MAP4K4: variants seen among roughly 807,000 people sequenced by gnomAD.
The protein encoded by MAP4K4 is mitogen-activated protein kinase kinase kinase kinase 4, also known as HPK/GCK-like kinase HGK.
MAP4K4 carries 38 observed loss-of-function variants against 189.6 expected under a neutral mutation model. The ratio of observed to expected loss-of-function variants is 0.20; its 90% CI spans 0.15 to 0.26. MAP4K4 has a LOEUF of 0.26. Among genes scored for constraint, MAP4K4 ranks in the 10% least tolerant of loss-of-function variants. The probability of loss-of-function intolerance (pLI) is 1.00; values close to 1 mark genes in which losing one functional copy is unlikely to be tolerated. For synonymous variants in MAP4K4, 610 were observed against 624.3 expected (o/e 0.98, Z 0.34); for missense variants, 1,054 against 1,726.9 (o/e 0.61, Z 6.91).
intron 2 of MAP4K4, among the ~76,000 whole-genome samples, chr2:101,778,495 AG>A (rs749398408): frequency 2.7e-5 from 4 of 147,416 alleles, no homozygotes; most frequent in Non-Finnish European, 6.0e-5. Flanking sequence ...CTTGTGGGGG[AG>A]GGGGTGGCGC....
intron 17 of MAP4K4, among the ~76,000 whole-genome samples, chr2:101,864,253 T>A (rs1235686091): frequency 6.6e-6 from 1 of 152,232 alleles, no homozygotes; most frequent in Non-Finnish European, 1.5e-5. Context: ...GTTTTATTTT[T>A]GTTAACCCTA....
At chr2:101,824,619 A>T (rs991865967) in intron 4 of MAP4K4, among the ~76,000 whole-genome samples, 1 of 152,244 alleles carries the variant, frequency 6.6e-6, no homozygotes, top group African/African-American at 2.4e-5. Context: ...ATTTAAACTT[A>T]TAAAGCAGGA....
chr2:101,865,679 C>T (rs1008323290), intron 18 of MAP4K4, among the ~76,000 whole-genome samples: 3 of 152,104 alleles, frequency 2.0e-5, no homozygotes, highest in African/African-American at 4.8e-5. Flanking sequence ...CATAACAGAA[C>T]GCTTCATTGA....
chr2:101,781,996 A>G (rs1379453944), intron 2 of MAP4K4, among the ~76,000 whole-genome samples: 1 of 152,212 alleles, frequency 6.6e-6, no homozygotes, highest in South Asian at 2.1e-4. Context: ...TGGAGTCAGA[A>G]TATTACTGCC....
intron 2 of MAP4K4, among the ~76,000 whole-genome samples, chr2:101,709,385 TAG>T (rs1468887717): frequency 1.3e-5 from 2 of 152,194 alleles, no homozygotes; most frequent in African/African-American, 4.8e-5. Flanking sequence ...GCATTTTTAG[TAG>T]AGATGGGGTT....
intron 2 of MAP4K4, among the ~76,000 whole-genome samples, chr2:101,740,645 T>C (rs2062319665): frequency 6.6e-6 from 1 of 152,210 alleles, no homozygotes; most frequent in Non-Finnish European, 1.5e-5. Flanking sequence ...TTTTCAAGCT[T>C]GCTGAGAAGA....
rs546111049 is a variant in MAP4K4, at chr2:101,781,373, A to G, written c.124-9347A>G. On this transcript the variant is annotated intron_variant, in intron 2 of 32. Transcript: ENST00000324219. ...CTTCCCTCCCCCTTTGTCTTAGTCC[A>G]TTTTGTGCTGCTGTAGTAGACCACC... Among the ~76,000 whole-genome samples, 146 of 152,102 alleles carry G rather than the reference A, an allele frequency of 9.6e-4. 1 individual carries two copies. Among genetic ancestry groups the G allele is most frequent in the Admixed American group, 2.4e-3 (36 of 15,268 alleles).
At chr2:101,870,005 A>C in intron 22 of MAP4K4, 2 of 670,394 alleles carry the variant, frequency 3.0e-6, no homozygotes, top group African/African-American at 1.8e-5. Flanking sequence ...CCCAGCGTGT[A>C]CTTTATTTTT....
chr2:101,724,169 A>G (rs2053894399), intron 2 of MAP4K4, among the ~76,000 whole-genome samples: 1 of 152,060 alleles, frequency 6.6e-6, no homozygotes, highest in Non-Finnish European at 1.5e-5. Context: ...GTGCTTGGGG[A>G]TGGACCCAGC....
intron 2 of MAP4K4, among the ~76,000 whole-genome samples, chr2:101,711,284 A>G (rs2149308477): frequency 6.6e-6 from 1 of 152,312 alleles, no homozygotes; most frequent in South Asian, 2.1e-4. Flanking sequence ...TATATAACAA[A>G]ATAATTAAAA....
chr2:101,718,261 A>AG (rs2049594706), intron 2 of MAP4K4, among the ~76,000 whole-genome samples: 1 of 151,922 alleles, frequency 6.6e-6, no homozygotes, highest in African/African-American at 2.4e-5. Context: ...CGTCTCAAAA[A>AG]AAAAAAAAAA....
chr2:101,769,423 TA>T (rs1225628270), intron 2 of MAP4K4, among the ~76,000 whole-genome samples: 10 of 151,940 alleles, frequency 6.6e-5, no homozygotes, highest in Non-Finnish European at 1.5e-4. Context: ...TGAGAAGAAA[TA>T]AGGTAAGGAT....
chr2:101,886,881 T>C (rs1352469522), intron 29 of MAP4K4, among the ~76,000 whole-genome samples: 3 of 151,950 alleles, frequency 2.0e-5, no homozygotes, highest in Non-Finnish European at 4.4e-5. Flanking sequence ...AAAAATTAGC[T>C]GAGTGTGGTG....
intron 16 of MAP4K4, among the ~76,000 whole-genome samples, chr2:101,862,482 T>C (rs1376407368): frequency 6.6e-6 from 1 of 152,144 alleles, no homozygotes; most frequent in African/African-American, 2.4e-5. Flanking sequence ...TCGTGTTCTT[T>C]AGCAACTTTG....
chr2:101,856,236 C>T lies in MAP4K4; in HGVS notation c.1395+98C>T, dbSNP rs371356623. 9.5e-4 allele frequency: 975 copies of T among 1,026,008 alleles called. 15 individuals are homozygous for T. In the South Asian group the frequency reaches 0.015, roughly 15 times the overall value. The allele number at this position is 1,026,008 out of a possible 1,614,324, so 63.6% of individuals were successfully genotyped here. ...AAAGTATACACACATGTGATGCATA[C>T]ACACATGTACACACATACACATATA... On this transcript the variant is annotated intron_variant, in intron 13 of 32. Transcript: ENST00000324219.
chr2:101,822,369 A>G (rs2096116497), intron 3 of MAP4K4, among the ~76,000 whole-genome samples: 1 of 152,114 alleles, frequency 6.6e-6, no homozygotes, highest in Admixed American at 6.5e-5. Flanking sequence ...GTTGACTAAA[A>G]CGTTATGTAG....
At chr2:101,894,506 A>C (rs1004129024) in exon 33 of MAP4K4, 2 of 152,800 alleles carry the variant, frequency 1.3e-5, no homozygotes, top group African/African-American at 4.8e-5. Flanking sequence ...GCCAATTATT[A>C]ATTTGCTAAA....
At chr2:101,885,389 T>A in intron 29 of MAP4K4, 102 bp downstream of exon 29, 1 of 668,348 alleles carries the variant, frequency 1.5e-6, no homozygotes. Context: ...ATTGCTAATA[T>A]AAAAGCTATG....
intron 2 of MAP4K4, among the ~76,000 whole-genome samples, chr2:101,708,635 T>G (rs892946922): frequency 1.3e-5 from 2 of 152,210 alleles, no homozygotes; most frequent in African/African-American, 4.8e-5. Flanking sequence ...TTTTCTGTAT[T>G]ATGAAATTAA....
Sources: gnomAD v4.1 joint callset for allele counts (sites outside exome capture counted in the v4.1 genomes callset) on GRCh38, gnomAD v4.1.1 for gene constraint, MANE v1.5 for transcripts, NCBI Gene and HGNC (gene_info 2026-07-23, HGNC 2026-07-21) for gene names.